Variants in SLC35F1 observed in about 807,000 individuals in gnomAD.
The protein encoded by SLC35F1 is solute carrier family 35 member F1.
In SLC35F1, 14 loss-of-function variants were observed where a neutral mutation model predicts 48.7. The observed-to-expected ratio is 0.29, with a 90% CI of 0.19 to 0.45. The LOEUF (loss-of-function observed/expected upper bound fraction) is 0.45. Among genes scored for constraint, SLC35F1 ranks in the 20% least tolerant of loss-of-function variants. SLC35F1 has a pLI of 1.00. For missense variants in SLC35F1, 404 were observed against 500.0 expected (o/e 0.81, Z 1.83); for synonymous variants, 190 against 202.2 (o/e 0.94, Z 0.51).
intron 1 of SLC35F1, among the ~76,000 whole-genome samples, chr6:118,139,500 A>T (rs1268686052): frequency 6.6e-6 from 1 of 152,174 alleles, no homozygotes; most frequent in African/African-American, 2.4e-5. Context: ...CAGAACTGGG[A>T]TACAATCTGT....
chr6:117,917,749 G>A (rs1775844700), intron 1 of SLC35F1, among the ~76,000 whole-genome samples: 1 of 145,640 alleles, frequency 6.9e-6, no homozygotes, highest in South Asian at 2.1e-4. Flanking sequence ...ATTCTGGGGA[G>A]AAGTCGGAGT....
At chr6:118,076,904 G>GT (rs1254151362) in intron 1 of SLC35F1, among the ~76,000 whole-genome samples, 29 of 151,876 alleles carry the variant, frequency 1.9e-4, no homozygotes, top group Non-Finnish European at 3.4e-4. Flanking sequence ...TATAGGGCCA[G>GT]TTTTTTTCTC....
intron 1 of SLC35F1, among the ~76,000 whole-genome samples, chr6:117,938,113 C>T (rs974630893): frequency 2.6e-5 from 4 of 152,082 alleles, no homozygotes; most frequent in Non-Finnish European, 4.4e-5. Flanking sequence ...AATAAACTTA[C>T]GTGTTTCTTG....
intron 1 of SLC35F1, among the ~76,000 whole-genome samples, chr6:118,050,035 A>AT (rs1772364171): frequency 6.6e-6 from 1 of 152,216 alleles, no homozygotes. Flanking sequence ...CTATGCAGCC[A>AT]TAAAAAATGA....
chr6:118,169,320 T>TC (rs1774365580), intron 2 of SLC35F1, among the ~76,000 whole-genome samples: 1 of 152,212 alleles, frequency 6.6e-6, no homozygotes, highest in Non-Finnish European at 1.5e-5. Flanking sequence ...AAGGGAATTT[T>TC]CCCCTAGAGA....
chr6:117,985,226 G>A (rs572711378), intron 1 of SLC35F1, among the ~76,000 whole-genome samples: 2 of 152,196 alleles, frequency 1.3e-5, no homozygotes, highest in Non-Finnish European at 2.9e-5. Context: ...ACTGATGTGA[G>A]TATAGATTGA....
chr6:118,299,357 C>CTG (rs1483084936), intron 7 of SLC35F1, among the ~76,000 whole-genome samples: 16 of 152,178 alleles, frequency 1.1e-4, no homozygotes, highest in Admixed American at 1.0e-3. Context: ...TACAGCCCAG[C>CTG]TGTGAATTCC....
chr6:117,994,817 C>CAT (rs928631077), intron 1 of SLC35F1, among the ~76,000 whole-genome samples: 55 of 152,044 alleles, frequency 3.6e-4, no homozygotes, highest in Admixed American at 1.2e-3. Flanking sequence ...CAGATAAGTA[C>CAT]ATATATATAT....
At chr6:118,185,684 TG>T (rs1158004521) in intron 2 of SLC35F1, among the ~76,000 whole-genome samples, 2 of 152,162 alleles carry the variant, frequency 1.3e-5, no homozygotes, top group African/African-American at 4.8e-5. Context: ...GGAAGTGAGC[TG>T]TGGCTTGCCA....
intron 3 of SLC35F1, among the ~76,000 whole-genome samples, chr6:118,263,777 G>A (rs749246775): frequency 2.2e-4 from 34 of 152,058 alleles, no homozygotes; most frequent in Non-Finnish European, 4.0e-4. Context: ...ATTAAGCTAC[G>A]AGAAAACTGT....
At chr6:118,288,007 T>A (rs1582771468) in intron 7 of SLC35F1, among the ~76,000 whole-genome samples, 2 of 86,166 alleles carry the variant, frequency 2.3e-5, no homozygotes, top group South Asian at 7.6e-4. Context: ...CAGCAATGAT[T>A]TGGGTTTTTT....
rs200263827 is a variant in SLC35F1, at chr6:117,966,138, C to CT, written c.173+58239_173+58240insT. On this transcript the variant is annotated intron_variant, in intron 1 of 7. Transcript: ENST00000360388. ...GAATAAAAGCAGGCCACCGCCCCCC[C>CT]CCCCACTCCCGCCCCGCCCCAAGCA... is the stretch of plus-strand genomic sequence containing the variant. Among the ~76,000 whole-genome samples the CT allele has an allele frequency of 1.1e-4, 16 of 142,592 alleles. 1 individual carries two copies. The highest frequency in any genetic ancestry group is 3.7e-4 in the African/African-American group (14 of 38,026). 93.5% of individuals were successfully genotyped at this position (142,592 alleles called of 152,430 possible).
At chr6:118,096,350 G>C (rs1283483182) in intron 1 of SLC35F1, among the ~76,000 whole-genome samples, 1 of 152,134 alleles carries the variant, frequency 6.6e-6, no homozygotes, top group Non-Finnish European at 1.5e-5. Flanking sequence ...GCAGAATCCA[G>C]TGAATGTGAG....
At chr6:118,301,042 C>G (rs1434587904) in intron 7 of SLC35F1, among the ~76,000 whole-genome samples, 1 of 152,106 alleles carries the variant, frequency 6.6e-6, no homozygotes, top group Admixed American at 6.6e-5. Flanking sequence ...CCAACCAATT[C>G]CATCTTTAAA....
intron 1 of SLC35F1, among the ~76,000 whole-genome samples, chr6:118,034,908 T>C (rs995388206): frequency 3.9e-5 from 6 of 152,224 alleles, no homozygotes; most frequent in Admixed American, 2.6e-4. Flanking sequence ...CTTGTAAAAC[T>C]AGTTGAGTAG....
At chr6:117,959,568 T>A (rs181520938) in intron 1 of SLC35F1, among the ~76,000 whole-genome samples, 5 of 152,256 alleles carry the variant, frequency 3.3e-5, no homozygotes, top group Admixed American at 3.3e-4. Flanking sequence ...ATACCTGAGA[T>A]GTAGGAAAAT....
chr6:118,079,719 C>T (rs528812160), intron 1 of SLC35F1, among the ~76,000 whole-genome samples: 32 of 152,256 alleles, frequency 2.1e-4, no homozygotes, highest in Non-Finnish European at 4.1e-4. Flanking sequence ...AATATGGGTA[C>T]TTAAATATTG....
In SLC35F1 at chr6:118,275,553, G is replaced by A. The variant is rs1238581272; in HGVS notation, c.732G>A (p.Leu244=). ...NVWEEYIIRT[L]SRVEFLGMIG... Reference sequence around the variant, plus strand: ...GGGAAGAATACATCATCCGAACTCTGAGCCGAGTGGAATTCCTGGGAATGA... The same window carrying A: ...GGGAAGAATACATCATCCGAACTCTAAGCCGAGTGGAATTCCTGGGAATGA... The change falls in exon 5 of 8, where the codon CTG becomes CTA. Residue 244 remains leucine, a synonymous_variant. Coordinates refer to ENST00000360388, the MANE Select transcript of SLC35F1 (RefSeq NM_001029858.4). The A allele has an allele frequency of 6.2e-7, 1 of 1,613,916 alleles. No homozygotes were observed. Among genetic ancestry groups the A allele is most frequent in the Non-Finnish European group, 8.5e-7 (1 of 1,179,944 alleles).
At chr6:118,044,415 G>T (rs1029182608) in intron 1 of SLC35F1, among the ~76,000 whole-genome samples, 6 of 151,986 alleles carry the variant, frequency 3.9e-5, no homozygotes, top group African/African-American at 7.3e-5. Context: ...TGAACTCTTG[G>T]CATCTGTTAT....
Sources: gnomAD v4.1 joint callset for allele counts (sites outside exome capture counted in the v4.1 genomes callset) on GRCh38, gnomAD v4.1.1 for gene constraint, MANE v1.5 for transcripts, NCBI Gene and HGNC (gene_info 2026-07-23, HGNC 2026-07-21) for gene names.